Variants in KCNH3 observed in about 807,000 individuals in gnomAD.
KCNH3 encodes voltage-gated inwardly rectifying potassium channel KCNH3.
In KCNH3, 36 loss-of-function variants were observed where a neutral mutation model predicts 95.6. The observed-to-expected ratio is 0.38, with a 90% confidence interval of 0.29 to 0.50. The LOEUF (loss-of-function observed/expected upper bound fraction) is 0.50, where lower values mean the gene tolerates loss of function less well. Among genes scored for constraint, KCNH3 ranks in the 20% least tolerant of loss-of-function variants. The pLI is 0.95. For missense variants in KCNH3, 1,030 were observed against 1,484.1 expected (o/e 0.69, Z 5.03); for synonymous variants, 620 against 646.3 (o/e 0.96, Z 0.62).
chr12:49,540,858 C>T, intron 1 of KCNH3, 41 bp from the exon 2 acceptor site: 1 of 1,543,752 alleles, frequency 6.5e-7, no homozygotes, highest in Non-Finnish European at 8.9e-7. Context: ...GGCCTCCTGC[C>T]CCTTCACCCC....
At position 49,549,757 on chromosome 12, in the gene KCNH3, T is replaced by C. The variant is rs561202719; in HGVS notation, c.1668+117T>C. The C allele has an allele frequency of 3.9e-6, 4 of 1,023,096 alleles. No homozygotes were observed. The African/African-American group carries it at 6.3e-5, about 16-fold the overall frequency. 63.4% of individuals were successfully genotyped at this position (1,023,096 alleles called of 1,614,324 possible). Reference sequence around the variant, plus strand: ...AGAATTTTGGCCCCTGTGCCTCCCTTCTCTCTTGAGGGGACAGCGGCATGG... The same window carrying C: ...AGAATTTTGGCCCCTGTGCCTCCCTCCTCTCTTGAGGGGACAGCGGCATGG... On this transcript the variant is annotated intron_variant, in intron 9 of 14. Coordinates refer to ENST00000257981, the MANE Select transcript of KCNH3 (RefSeq NM_012284.3).
intron 5 of KCNH3, 22 bp from the exon 6 acceptor site, chr12:49,543,893 C>T (rs745918867): frequency 6.3e-6 from 10 of 1,595,552 alleles, no homozygotes; most frequent in Non-Finnish European, 8.6e-6. Flanking sequence ...CCAGTGCTGA[C>T]TCCCACCCGG....
At position 49,549,007 on chromosome 12, in the gene KCNH3, G is replaced by C. The variant is rs770706317; in HGVS notation, c.1302G>C (p.Glu434Asp). The change falls in exon 8 of 15, where the codon GAG (glutamate) becomes GAC (aspartate). Residue 434 changes from glutamate (E) to aspartate (D), a missense_variant. Transcript: ENST00000257981. ...GQSDNCSSSS[E>D]ANGTGLELLG... ...GTGACAACTGCAGCAGCAGCAGCGA[G>C]GCCAACGGGACGGGGCTGGAGCTGC... 2 of 1,611,582 alleles carry C rather than the reference G, an allele frequency of 1.2e-6. No homozygotes were observed. Among genetic ancestry groups the C allele is most frequent in the African/African-American group, 1.3e-5 (1 of 75,032 alleles).
chr12:49,548,117 T>C (rs928050768), intron 7 of KCNH3, among the ~76,000 whole-genome samples: 1 of 151,754 alleles, frequency 6.6e-6, no homozygotes, highest in Non-Finnish European at 1.5e-5. Flanking sequence ...TGTGTGTGTG[T>C]GTGTGTGTGT....
rs779021434 is a variant in KCNH3 at position 49,557,598 on chromosome 12, C to T, written c.2897C>T (p.Pro966Leu). Residue 966 changes from proline (P) to leucine (L), a missense_variant, in exon 15 of 15, where the codon CCG becomes CTG. By Grantham distance (98) the Pro-to-Leu change is moderately conservative (BLOSUM62 -3). Transcript: ENST00000257981. ...AGTGGGACTTGGCCCCACCCTCGTC[C>T]GGGGCCTCCTCCCCTCATGGCACCC... ...VLSGTWPHPR[P>L]GPPPLMAPWP... 34 of 1,613,086 alleles carry T rather than the reference C, an allele frequency of 2.1e-5. No homozygotes were observed. Among genetic ancestry groups the T allele is most frequent in the South Asian group, 3.3e-5 (3 of 91,066 alleles).
intron 10 of KCNH3, among the ~76,000 whole-genome samples, chr12:49,552,766 T>TG (rs1364300461): frequency 6.6e-6 from 1 of 152,138 alleles, no homozygotes; most frequent in East Asian, 1.9e-4. Flanking sequence ...ACCTCTTAGA[T>TG]GAAGACAAGA....
intron 13 of KCNH3, chr12:49,556,747 C>T (rs1289526216): frequency 1.5e-5 from 10 of 681,132 alleles, no homozygotes; most frequent in African/African-American, 5.3e-5. Context: ...CCCCAGCTTC[C>T]TGTCTGTAAA....
intron 7 of KCNH3, among the ~76,000 whole-genome samples, chr12:49,547,214 T>C (rs540847898): frequency 6.6e-6 from 1 of 152,208 alleles, no homozygotes; most frequent in South Asian, 2.1e-4. Context: ...TGCATTCTTA[T>C]GGCACATCTC....
At position 49,557,343 on chromosome 12, in the gene KCNH3, C is replaced by G. The variant is rs945448697; in HGVS notation, c.2653-11C>G. 4 of 1,609,774 alleles carry G rather than the reference C, an allele frequency of 2.5e-6. No homozygotes were observed. The highest frequency in any genetic ancestry group is 1.3e-5 in the African/African-American group (1 of 74,868). ...ACTCCATTCTGACCTCGCCTCCTCC[C>G]TCCCCCAAAGGTGACAGAGCTGTCA... On this transcript the variant is annotated splice_polypyrimidine_tract_variant and intron_variant, in intron 14 of 14. Coordinates refer to ENST00000257981, the MANE Select transcript of KCNH3 (RefSeq NM_012284.3).
intron 10 of KCNH3, among the ~76,000 whole-genome samples, chr12:49,553,171 T>G (rs907995537): frequency 6.6e-6 from 1 of 152,126 alleles, no homozygotes; most frequent in Non-Finnish European, 1.5e-5. Flanking sequence ...CAGGTCTCAC[T>G]GTCGCCCAGG....
rs1341012031 is a variant in KCNH3 at position 49,554,538 on chromosome 12, G to A, written c.2120G>A (p.Gly707Glu). The A allele has an allele frequency of 1.9e-6, 3 of 1,613,016 alleles. No individual in the cohort carries two copies. The South Asian group carries it at 3.3e-5, about 18-fold the overall frequency. Residue 707 changes from glycine (G) to glutamate (E), a missense_variant, in exon 11 of 15, where the codon GGG becomes GAG. Gly to Glu is a moderately conservative substitution (Grantham distance 98). Coordinates refer to ENST00000257981, the MANE Select transcript of KCNH3 (RefSeq NM_012284.3). ...RGELSYNLGA[G>E]GGSAEVDTSS... Reference sequence around the variant, plus strand: ...GAGCTCAGCTACAACCTGGGTGCTGGGGGAGGCTCTGCAGAGGTGAGTGTG... The same window carrying A: ...GAGCTCAGCTACAACCTGGGTGCTGAGGGAGGCTCTGCAGAGGTGAGTGTG...
At chr12:49,547,006 TGCCTC>T (rs1183040058) in intron 7 of KCNH3, among the ~76,000 whole-genome samples, 2,008 of 152,362 alleles carry the variant, frequency 0.013, 40 homozygotes, top group African/African-American at 0.045. Context: ...GCAATTCTTC[TGCCTC>T]AGTCTCCCGA....
In KCNH3 at chr12:49,543,438, T is replaced by C; in HGVS notation, c.743T>C (p.Val248Ala). Residue 248 changes from valine (V) to alanine (A), a missense_variant, in exon 5 of 15, where the codon GTG (valine) becomes GCG (alanine). Around this residue, in one of 9 missense-constraint regions of KCNH3, gnomAD observed 153 missense variants for 288.5 expected, o/e 0.53. Transcript: ENST00000257981. ...VAVTVPYSVCVSTAREPSAAR... is the reference protein window; with the variant it reads ...VAVTVPYSVCASTAREPSAAR... ...GTCACTGTGCCCTACAGCGTGTGTG[T>C]GAGCACAGCACGGGAGCCCAGTGCC... The C allele has an allele frequency of 6.2e-7, 1 of 1,606,856 alleles. No individual in the cohort carries two copies. Among genetic ancestry groups the C allele is most frequent in the Non-Finnish European group, 8.5e-7 (1 of 1,179,974 alleles).
In KCNH3 at chr12:49,556,351, C is replaced by T; in HGVS notation, c.2469-19C>T. 1 of 1,582,802 alleles carries T rather than the reference C, an allele frequency of 6.3e-7. No homozygotes were observed. The highest frequency in any genetic ancestry group is 1.1e-5 in the South Asian group (1 of 90,478). Reference sequence around the variant, plus strand: ...GCTGCCTGTCCATTGATTTGTTGTCCTGGTACCTGGGTTCACAGGGTAGTA... The same window carrying T: ...GCTGCCTGTCCATTGATTTGTTGTCTTGGTACCTGGGTTCACAGGGTAGTA... On this transcript the variant is annotated intron_variant, in intron 12 of 14. Transcript: ENST00000257981.
intron 6 of KCNH3, 34 bp from the exon 7 acceptor site, chr12:49,544,141 T>TGCCAGA: frequency 1.4e-6 from 2 of 1,413,394 alleles, no homozygotes; most frequent in Non-Finnish European, 1.9e-6. Context: ...CCCGCTGACC[T>TGCCAGA]CCCTCCCTCC....
chr12:49,553,642 T>C (rs558221665), intron 10 of KCNH3, among the ~76,000 whole-genome samples: 2 of 152,360 alleles, frequency 1.3e-5, no homozygotes, highest in South Asian at 4.1e-4. Context: ...CCGCAGGCTC[T>C]AATTGATGCC....
chr12:49,545,858 A>G (rs1938044246), intron 7 of KCNH3, among the ~76,000 whole-genome samples: 1 of 151,772 alleles, frequency 6.6e-6, no homozygotes, highest in Non-Finnish European at 1.5e-5. Flanking sequence ...CCCATTTGAA[A>G]TTTTCCCCAA....
chr12:49,550,043 TCCC>T, intron 9 of KCNH3, 34 bp from the exon 10 acceptor site: 7 of 1,299,540 alleles, frequency 5.4e-6, no homozygotes, highest in Admixed American at 1.8e-5. Flanking sequence ...CTTCTGCCAC[TCCC>T]AACCCCCCCA....
At position 49,552,799 on chromosome 12, in the gene KCNH3, G is replaced by A. The variant is rs1240390881; in HGVS notation, c.1919-1538G>A. Among the ~76,000 whole-genome samples the A allele has an allele frequency of 1.7e-4, 26 of 152,308 alleles. No individual in the cohort carries two copies. In the South Asian group the frequency reaches 1.9e-3, roughly 11 times the overall value. On this transcript the variant is annotated intron_variant, in intron 10 of 14. Transcript: ENST00000257981. The stretch of plus-strand genomic sequence containing the variant: ...AGAAGCACGTGCTTATTCTATTTCA[G>A]ATGACGCCAATGAAAAGAGAGCACA...
Sources: allele counts gnomAD v4.1 joint callset (sites outside exome capture counted in the v4.1 genomes callset), GRCh38; gene constraint gnomAD v4.1.1; regional missense constraint gnomAD v4.1.1; transcripts MANE v1.5; gene names NCBI Gene and HGNC (gene_info 2026-07-23, HGNC 2026-07-21).